PHACTR3: variants seen among roughly 807,000 people sequenced by gnomAD.
PHACTR3 encodes the protein phosphatase and actin regulator 3.
PHACTR3 carries 16 observed loss-of-function variants against 66.8 expected under a neutral mutation model. That is an observed-to-expected ratio of 0.24 (90% CI 0.16 to 0.36). The LOEUF (loss-of-function observed/expected upper bound fraction) is 0.36. Ranked by LOEUF, PHACTR3 falls within the 10% of genes least tolerant of loss-of-function variation. The pLI is 1.00. For missense variants in PHACTR3, 647 were observed against 719.9 expected (o/e 0.90, Z 1.16); for synonymous variants, 323 against 292.1 (o/e 1.11, Z -1.08).
chr20:59,805,654 A>G (rs1600687653), intron 7 of PHACTR3, among the ~76,000 whole-genome samples: 1 of 152,170 alleles, frequency 6.6e-6, no homozygotes, highest in Non-Finnish European at 1.5e-5. Flanking sequence ...TGCAGGGACC[A>G]TGTGGAGCTG....
intron 7 of PHACTR3, among the ~76,000 whole-genome samples, chr20:59,777,930 G>A (rs915997648): frequency 3.9e-5 from 6 of 152,234 alleles, no homozygotes; most frequent in Admixed American, 3.3e-4. Flanking sequence ...GGACTGGTGT[G>A]CATTGCATAG....
At chr20:59,597,393 A>G (rs889698957) in intron 1 of PHACTR3, among the ~76,000 whole-genome samples, 2 of 152,138 alleles carry the variant, frequency 1.3e-5, no homozygotes, top group African/African-American at 2.4e-5. Flanking sequence ...GGGGGACCCA[A>G]CAAAAGCATG....
chr20:59,597,297 T>C (rs959672481), intron 1 of PHACTR3, among the ~76,000 whole-genome samples: 1 of 152,268 alleles, frequency 6.6e-6, no homozygotes, highest in Admixed American at 6.5e-5. Context: ...TCTATAAAAG[T>C]GCTGTCAGCA....
chr20:59,768,554 C>T (rs552427835), intron 5 of PHACTR3, among the ~76,000 whole-genome samples: 31 of 152,344 alleles, frequency 2.0e-4, no homozygotes, highest in Middle Eastern at 3.4e-3. Context: ...CTGGTGCCCT[C>T]CCCTCTGCGA....
At chr20:59,615,761 G>A (rs915296958) in intron 1 of PHACTR3, among the ~76,000 whole-genome samples, 2 of 152,184 alleles carry the variant, frequency 1.3e-5, no homozygotes, top group African/African-American at 2.4e-5. Flanking sequence ...GGCCTAGGCT[G>A]GAAACCTTCA....
intron 1 of PHACTR3, among the ~76,000 whole-genome samples, chr20:59,613,052 T>A (rs1302646002): frequency 6.6e-6 from 1 of 152,084 alleles, no homozygotes; most frequent in African/African-American, 2.4e-5. Context: ...TCCGCCCCCA[T>A]GATTCAAACA....
intron 1 of PHACTR3, among the ~76,000 whole-genome samples, chr20:59,598,921 G>T (rs1311171469): frequency 1.3e-5 from 2 of 152,192 alleles, no homozygotes; most frequent in Non-Finnish European, 2.9e-5. Flanking sequence ...TCCCACACTG[G>T]TGTTTTGCCT....
Position 59,814,475 on chromosome 20 carries a change from T to C in PHACTR3, c.1328+8281T>C, listed in dbSNP as rs551696965. On this transcript the variant is annotated intron_variant, in intron 8 of 12. Transcript: ENST00000371015. ...GTCAGGTGCCTGGGGTTTTTGGCAG[T>C]GCTTCCATCCACTTGTGCAGGTGAG... Among the ~76,000 whole-genome samples the C allele has an allele frequency of 2.6e-3, 401 of 152,274 alleles. 3 individuals carry two copies. Among genetic ancestry groups the C allele is most frequent in the African/African-American group, 9.1e-3 (379 of 41,558 alleles).
intron 8 of PHACTR3, among the ~76,000 whole-genome samples, chr20:59,815,570 G>T (rs181681712): frequency 5.4e-3 from 818 of 152,114 alleles, no homozygotes; most frequent in Non-Finnish European, 7.6e-3. Context: ...GATTACAGGT[G>T]TGCACCACCA....
intron 7 of PHACTR3, among the ~76,000 whole-genome samples, chr20:59,791,326 T>A (rs2041087890): frequency 6.6e-6 from 1 of 152,194 alleles, no homozygotes. Context: ...CCTCCAAAAC[T>A]GTGAGCCAAT....
intron 4 of PHACTR3, among the ~76,000 whole-genome samples, chr20:59,760,181 G>A (rs1396171789): frequency 1.3e-5 from 2 of 152,206 alleles, no homozygotes; most frequent in East Asian, 3.9e-4. Context: ...ACCATGATGA[G>A]TGTGGGTGTC....
chr20:59,589,975 C>T (rs2033141752), intron 1 of PHACTR3, among the ~76,000 whole-genome samples: 2 of 152,262 alleles, frequency 1.3e-5, no homozygotes, highest in Admixed American at 1.3e-4. Context: ...AGTCTAGGCT[C>T]TTCCCTCCGC....
chr20:59,759,013 C>T (rs373348707), intron 4 of PHACTR3, among the ~76,000 whole-genome samples: 6 of 152,210 alleles, frequency 3.9e-5, no homozygotes, highest in African/African-American at 4.8e-5. Context: ...TCGTTGTCAT[C>T]GTCATTGTCA....
intron 3 of PHACTR3, among the ~76,000 whole-genome samples, chr20:59,752,952 C>G (rs1489640752): frequency 6.6e-6 from 1 of 152,072 alleles, no homozygotes; most frequent in South Asian, 2.1e-4. Context: ...ACGTCAAATG[C>G]GAGTAAGTCG....
chr20:59,811,850 C>T (rs568964392), intron 8 of PHACTR3, among the ~76,000 whole-genome samples: 1 of 152,340 alleles, frequency 6.6e-6, no homozygotes, highest in Non-Finnish European at 1.5e-5. Flanking sequence ...CAGAATCTCT[C>T]TCCTTGTTTG....
chr20:59,742,930 C>T (rs1031608305), intron 1 of PHACTR3, among the ~76,000 whole-genome samples, 177 bp from the exon 2 acceptor site: 3 of 152,170 alleles, frequency 2.0e-5, no homozygotes, highest in Non-Finnish European at 4.4e-5. Flanking sequence ...GGAAATTCAG[C>T]GCACGCTGCT....
At chr20:59,777,192 G>A (rs943189462) in intron 7 of PHACTR3, among the ~76,000 whole-genome samples, 1 of 152,148 alleles carries the variant, frequency 6.6e-6, no homozygotes, top group Non-Finnish European at 1.5e-5. Flanking sequence ...CCCTTCATAT[G>A]AGGATAGTAG....
chr20:59,629,792 G>A (rs1477976463), intron 1 of PHACTR3, among the ~76,000 whole-genome samples: 6 of 152,216 alleles, frequency 3.9e-5, no homozygotes, highest in South Asian at 2.1e-4. Context: ...GGGTGGCACC[G>A]AATGAGTGTC....
At chr20:59,691,953 G>A (rs2037123287) in intron 1 of PHACTR3, among the ~76,000 whole-genome samples, 1 of 152,148 alleles carries the variant, frequency 6.6e-6, no homozygotes, top group Non-Finnish European at 1.5e-5. Flanking sequence ...GGACTGCCAC[G>A]ATTTAAATTT....
Sources: allele counts gnomAD v4.1 joint callset (sites outside exome capture counted in the v4.1 genomes callset), GRCh38; gene constraint gnomAD v4.1.1; transcripts MANE v1.5; gene names NCBI Gene and HGNC (gene_info 2026-07-23, HGNC 2026-07-21).